TEF: variants seen among roughly 807,000 people sequenced by gnomAD.
TEF encodes thyrotroph embryonic factor.
A neutral mutation model predicts 20.8 loss-of-function variants in TEF; 3 were observed. That is an observed-to-expected ratio of 0.14 (90% CI 0.07 to 0.37). The LOEUF (loss-of-function observed/expected upper bound fraction) is 0.37. Ranked by LOEUF, TEF falls within the 10% of genes least tolerant of loss-of-function variation. The pLI is 1.00. For synonymous variants in TEF, 180 were observed against 171.1 expected (o/e 1.05, Z -0.41); for missense variants, 296 against 397.9 (o/e 0.74, Z 2.18).
At chr22:41,387,797 G>A in intron 2 of TEF, 129 bp downstream of exon 2, 1 of 945,950 alleles carries the variant, frequency 1.1e-6, no homozygotes, top group East Asian at 2.6e-5. Context: ...GGGCTGCAGT[G>A]TGGAGAAACT....
intron 1 of TEF, among the ~76,000 whole-genome samples, chr22:41,383,352 C>G (rs1230505144): frequency 6.6e-6 from 1 of 152,150 alleles, no homozygotes; most frequent in Non-Finnish European, 1.5e-5. Flanking sequence ...TGAGACGGTG[C>G]TTTGTTCCAA....
upstream of TEF, among the ~76,000 whole-genome samples, chr22:41,378,119 C>T (rs1246223466): frequency 6.6e-6 from 1 of 151,206 alleles, no homozygotes. Context: ...CATCAAGTCT[C>T]CTCATGGCCA....
At chr22:41,377,269 TGC>T (rs2036954447), upstream of TEF, 1 of 152,236 alleles carries the variant, frequency 6.6e-6, no homozygotes, top group Non-Finnish European at 1.5e-5. Flanking sequence ...GTATTTGCGC[TGC>T]TGAGGCAAGC....
chr22:41,394,145 T>C lies in TEF; in HGVS notation c.525T>C (p.Asn175=). The stretch of plus-strand genomic sequence containing the variant: ...AGACTCCCAGTCCCATCGACCCCAA[T>C]TGTGTGGAAGTGGATGTGAACTTCA... ...ERETPSPIDP[N]CVEVDVNFNP... is the part of the protein sequence containing the mutation. Residue 175 remains asparagine (N), a synonymous_variant, in exon 3 of 4, where the codon AAT becomes AAC. Transcript: ENST00000266304. The C allele has an allele frequency of 1.2e-6, 2 of 1,614,062 alleles. No homozygotes were observed. Among genetic ancestry groups the C allele is most frequent in the Non-Finnish European group, 1.7e-6 (2 of 1,179,992 alleles).
At chr22:41,389,343 G>C (rs763621686) in intron 2 of TEF, among the ~76,000 whole-genome samples, 7 of 152,138 alleles carry the variant, frequency 4.6e-5, no homozygotes, top group Admixed American at 6.6e-5. Flanking sequence ...AGAGCTTGCA[G>C]TGAACCGAGA....
upstream of TEF, among the ~76,000 whole-genome samples, chr22:41,377,515 C>T (rs1037703749): frequency 6.6e-6 from 1 of 152,200 alleles, no homozygotes; most frequent in African/African-American, 2.4e-5. Context: ...GTTCTCCCAA[C>T]GTTTATTCCT....
At chr22:41,383,469 G>A (rs2037060193) in intron 1 of TEF, among the ~76,000 whole-genome samples, 1 of 152,184 alleles carries the variant, frequency 6.6e-6, no homozygotes, top group South Asian at 2.1e-4. Context: ...CCCGATATTC[G>A]TAGAGTGCTC....
upstream of TEF, among the ~76,000 whole-genome samples, chr22:41,380,923 G>T (rs1257841497): frequency 1.3e-5 from 2 of 152,148 alleles, no homozygotes; most frequent in South Asian, 4.1e-4. Flanking sequence ...CATCTGTTTG[G>T]GACTGTGGAG....
In TEF at chr22:41,382,586, T is replaced by A. The variant is rs139062420; in HGVS notation, c.157+385T>A. ...GTCACTGGGACAGGGGTCTTGCATT[T>A]TAAGGAGCACCCCACCGCACCCCCA... is the stretch of plus-strand genomic sequence containing the variant. On this transcript the variant is annotated intron_variant, in intron 1 of 3. Coordinates refer to ENST00000266304, the MANE Select transcript of TEF (RefSeq NM_003216.4). Among the ~76,000 whole-genome samples the A allele has an allele frequency of 4.1e-4, 62 of 151,976 alleles. No individual in the cohort carries two copies. In the East Asian group the frequency reaches 0.012, roughly 29 times the overall value.
At chr22:41,383,522 A>G (rs1278050216) in intron 1 of TEF, among the ~76,000 whole-genome samples, 1 of 152,120 alleles carries the variant, frequency 6.6e-6, no homozygotes, top group Non-Finnish European at 1.5e-5. Context: ...ACAGTCCTAG[A>G]GGGTATTCTC....
chr22:41,387,309 A>T, intron 1 of TEF, 42 bp from the exon 2 acceptor site: 1 of 1,603,488 alleles, frequency 6.2e-7, no homozygotes, highest in Admixed American at 1.7e-5. Flanking sequence ...GGATTGAGTT[A>T]CTCTCCTGTG....
Position 41,396,606 on chromosome 22 carries a change from A to G in TEF, c.*646A>G. On this transcript the variant is annotated 3_prime_UTR_variant, in exon 4 of 4. Coordinates refer to ENST00000266304, the MANE Select transcript of TEF (RefSeq NM_003216.4). ...GTGCCCAGCGTTTCTCGGCTCCCGCACCCCTTTTCCCTTATGGCTCTGAGG... is the reference window on the plus strand; with the variant it reads ...GTGCCCAGCGTTTCTCGGCTCCCGCGCCCCTTTTCCCTTATGGCTCTGAGG... The G allele has an allele frequency of 4.5e-6, 1 of 221,590 alleles. No individual in the cohort carries two copies. Among genetic ancestry groups the G allele is most frequent in the Non-Finnish European group, 8.7e-6 (1 of 114,354 alleles). 13.7% of individuals were successfully genotyped at this position (221,590 alleles called of 1,614,324 possible).
intron 2 of TEF, among the ~76,000 whole-genome samples, chr22:41,388,610 AC>A (rs1342747133): frequency 1.3e-5 from 2 of 150,776 alleles, no homozygotes; most frequent in Admixed American, 1.3e-4. Flanking sequence ...CATTCCCACC[AC>A]CTGGCCAGGA....
At chr22:41,373,867 G>A (rs566855588) in intron 1 of TEF, among the ~76,000 whole-genome samples, 18 of 150,814 alleles carry the variant, frequency 1.2e-4, no homozygotes, top group Non-Finnish European at 2.2e-4. Flanking sequence ...GGGTTCAAGC[G>A]ATTCTCCCGT....
At chr22:41,373,469 T>C (rs2145963212) in intron 1 of TEF, among the ~76,000 whole-genome samples, 1 of 152,070 alleles carries the variant, frequency 6.6e-6, no homozygotes, top group East Asian at 1.9e-4. Flanking sequence ...TATTAGATAG[T>C]ATATTTTTCT....
At chr22:41,383,243 G>T (rs1019398720) in intron 1 of TEF, among the ~76,000 whole-genome samples, 1 of 152,128 alleles carries the variant, frequency 6.6e-6, no homozygotes, top group Non-Finnish European at 1.5e-5. Flanking sequence ...CCCTGTGGCT[G>T]TCACTGTTGA....
At chr22:41,382,901 C>T (rs1427138890) in intron 1 of TEF, 1 of 470,874 alleles carries the variant, frequency 2.1e-6, no homozygotes, top group East Asian at 6.9e-5. Flanking sequence ...TTGGGGCTGA[C>T]CCTTAGATTC....
upstream of TEF, among the ~76,000 whole-genome samples, chr22:41,378,107 G>T (rs192635339): frequency 1.4e-3 from 213 of 151,052 alleles, 4 homozygotes; most frequent in Admixed American, 0.014. Context: ...ATGATTCTAA[G>T]CCATCAAGTC....
upstream of TEF, chr22:41,377,223 G>A (rs1264179360): frequency 6.6e-6 from 1 of 152,190 alleles, no homozygotes; most frequent in Non-Finnish European, 1.5e-5. Context: ...CTTGCACAGG[G>A]GACATGCGAA....
Sources: gnomAD v4.1 joint callset for allele counts (sites outside exome capture counted in the v4.1 genomes callset) on GRCh38, gnomAD v4.1.1 for gene constraint, MANE v1.5 for transcripts, NCBI Gene and HGNC (gene_info 2026-07-23, HGNC 2026-07-21) for gene names.